The following NHSL1 variants were observed in gnomAD, a reference collection of about 807,000 sequenced individuals.
NHSL1 encodes NHS-like protein 1.
NHSL1 carries 48 observed loss-of-function variants against 95.0 expected under a neutral mutation model. The observed-to-expected ratio is 0.51, with a 90% CI of 0.40 to 0.64. NHSL1 has a LOEUF of 0.64. Ranked by LOEUF, NHSL1 falls within the 30% of genes least tolerant of loss-of-function variation. The pLI is 0.00. For missense variants in NHSL1, 1,971 were observed against 2,077.7 expected (o/e 0.95, Z 1.00); for synonymous variants, 783 against 833.9 (o/e 0.94, Z 1.05).
intron 1 of NHSL1, among the ~76,000 whole-genome samples, chr6:138,498,123 T>A (rs1780463265): frequency 1.3e-5 from 2 of 152,212 alleles, no homozygotes; most frequent in Non-Finnish European, 2.9e-5. Context: ...AAACTCACCA[T>A]ATGTCCCCCC....
At chr6:138,645,376 C>CG (rs1253664573) in intron 1 of NHSL1, among the ~76,000 whole-genome samples, 1 of 152,150 alleles carries the variant, frequency 6.6e-6, no homozygotes, top group African/African-American at 2.4e-5. Context: ...GAGGCCTACC[C>CG]GGCCTACTGA....
At chr6:138,605,242 T>C (rs1206547282) in intron 1 of NHSL1, among the ~76,000 whole-genome samples, 1 of 152,182 alleles carries the variant, frequency 6.6e-6, no homozygotes, top group Non-Finnish European at 1.5e-5. Flanking sequence ...TTGTTTGTTT[T>C]TGAGACAGGG....
intron 1 of NHSL1, among the ~76,000 whole-genome samples, chr6:138,639,381 G>A (rs1249723120): frequency 6.6e-6 from 1 of 151,930 alleles, no homozygotes; most frequent in African/African-American, 2.4e-5. Context: ...GCTCACGCCT[G>A]TAATCCCAGC....
At chr6:138,624,134 G>A (rs1054584338) in intron 1 of NHSL1, among the ~76,000 whole-genome samples, 1 of 152,170 alleles carries the variant, frequency 6.6e-6, no homozygotes, top group Admixed American at 6.6e-5. Flanking sequence ...TACAATCTTT[G>A]ATGTTATTGA....
At chr6:138,494,936 A>C (rs887316270) in intron 2 of NHSL1, among the ~76,000 whole-genome samples, 4 of 152,120 alleles carry the variant, frequency 2.6e-5, no homozygotes, top group Admixed American at 2.0e-4. Flanking sequence ...CCACACATTT[A>C]CTTTTTAACA....
At chr6:138,457,583 G>A (rs1583212181) in intron 3 of NHSL1, among the ~76,000 whole-genome samples, 1 of 152,110 alleles carries the variant, frequency 6.6e-6, no homozygotes, top group East Asian at 1.9e-4. Flanking sequence ...ATTTTTGTAA[G>A]AAATACCTCT....
intron 2 of NHSL1, among the ~76,000 whole-genome samples, chr6:138,480,562 T>C (rs950052992): frequency 1.3e-5 from 2 of 152,210 alleles, no homozygotes; most frequent in Non-Finnish European, 2.9e-5. Flanking sequence ...TAGGAAAGTT[T>C]TGAAACATTC....
chr6:138,432,329 G>A lies in NHSL1; in HGVS notation c.2016C>T (p.Pro672=). 3 of 1,551,736 alleles carry A rather than the reference G, an allele frequency of 1.9e-6. No individual in the cohort carries two copies. Among genetic ancestry groups the A allele is most frequent in the Non-Finnish European group, 2.6e-6 (3 of 1,147,016 alleles). Residue 672 remains proline, a synonymous_variant, in exon 6 of 8, where the codon CCC becomes CCT. Transcript: ENST00000343505. This position sits in a 1 kb window ranked among gnomAD's most constrained non-coding sequence, Gnocchi z 4.4. ...GGGAGTCTGTCCGGGAGGGTGGCAG[G>A]GGAGGCTTCTTTGCTTTCTTCAAAG... is the stretch of plus-strand genomic sequence containing the variant. ...NISLKKAKKP[P]LPPSRTDSLR...
intron 5 of NHSL1, among the ~76,000 whole-genome samples, chr6:138,434,927 G>A (rs1322334601): frequency 6.6e-6 from 1 of 152,186 alleles, no homozygotes; most frequent in East Asian, 1.9e-4. Flanking sequence ...CACCCTGGAA[G>A]GAAGGATCCC....
chr6:138,496,392 T>C, intron 1 of NHSL1, 21 bp from the exon 2 acceptor site: 1 of 1,548,686 alleles, frequency 6.5e-7, no homozygotes. Context: ...AAAGATAGAA[T>C]ACATTCAGGT....
At chr6:138,674,068 T>C (rs985215793) in intron 1 of NHSL1, among the ~76,000 whole-genome samples, 1 of 152,232 alleles carries the variant, frequency 6.6e-6, no homozygotes, top group African/African-American at 2.4e-5. Flanking sequence ...TAAGGTATGG[T>C]ATTCAAAGCA....
rs147372105 is a variant in NHSL1, at chr6:138,561,807, TG to T, written c.202+9902del. ...CAACAAATCCTCCCCCTACAACCAC[TG>T]GGGGAAGATGGTCTCAGACAACTGC... On this transcript the variant is annotated intron_variant, in intron 1 of 6. Transcript: ENST00000427025. Among the ~76,000 whole-genome samples, 929 of 152,310 alleles carry T rather than the reference TG, an allele frequency of 6.1e-3. 11 individuals are homozygous for T. Among genetic ancestry groups the T allele is most frequent in the African/African-American group, 0.021 (878 of 41,572 alleles).
chr6:138,622,718 C>T (rs1320307431), intron 1 of NHSL1, among the ~76,000 whole-genome samples: 2 of 152,112 alleles, frequency 1.3e-5, no homozygotes, highest in African/African-American at 4.8e-5. Flanking sequence ...ATGAAATTTC[C>T]TAGTCAGTGT....
intron 2 of NHSL1, among the ~76,000 whole-genome samples, chr6:138,478,054 C>G (rs374443607): frequency 3.5e-4 from 12 of 34,690 alleles, no homozygotes; most frequent in Admixed American, 1.1e-3. Flanking sequence ...GACTGAGTTT[C>G]GCTTTTTTTG....
chr6:138,499,372 T>G lies in NHSL1; in HGVS notation c.-82A>C. Reference sequence around the variant, plus strand: ...GTAGGCAGGTGGCAAGCTTCGTCCTTCTGCTACAGATTCTAACTTTTTCTT... The same window carrying G: ...GTAGGCAGGTGGCAAGCTTCGTCCTGCTGCTACAGATTCTAACTTTTTCTT... On this transcript the variant is annotated 5_prime_UTR_variant, in exon 1 of 8. Coordinates refer to ENST00000343505, the MANE Select transcript of NHSL1 (RefSeq NM_001144060.2). 6.5e-7 allele frequency: 1 copy of G among 1,528,652 alleles called. No homozygotes were observed. The highest frequency in any genetic ancestry group is 8.8e-7 in the Non-Finnish European group (1 of 1,135,172). 94.7% of individuals were successfully genotyped at this position (1,528,652 alleles called of 1,614,324 possible). A position where few individuals can be genotyped will look rare whatever the true frequency, so the allele number is the denominator to read the frequency against.
chr6:138,583,685 G>A (rs932850506), intron 1 of NHSL1, among the ~76,000 whole-genome samples: 18 of 152,110 alleles, frequency 1.2e-4, no homozygotes, highest in African/African-American at 2.4e-4. Context: ...GCTGTTCATC[G>A]TCATGTTCAA....
chr6:138,479,966 G>A (rs1217184543), intron 2 of NHSL1, among the ~76,000 whole-genome samples: 1 of 152,178 alleles, frequency 6.6e-6, no homozygotes, highest in Non-Finnish European at 1.5e-5. Flanking sequence ...GAGGGAGATG[G>A]AGAAATAGAA....
chr6:138,478,498 A>G (rs1333464235), intron 2 of NHSL1, among the ~76,000 whole-genome samples: 1 of 152,134 alleles, frequency 6.6e-6, no homozygotes, highest in Non-Finnish European at 1.5e-5. Context: ...AAGTTGCAAC[A>G]GAGCTCAGGT....
At chr6:138,663,560 CAAAA>C (rs56870354) in intron 1 of NHSL1, among the ~76,000 whole-genome samples, 5 of 95,546 alleles carry the variant, frequency 5.2e-5, no homozygotes, top group Admixed American at 1.2e-4. Flanking sequence ...AACTCCATCT[CAAAA>C]AAAAAAAAAA....
Sources: gnomAD v4.1 joint callset for allele counts (sites outside exome capture counted in the v4.1 genomes callset) on GRCh38, gnomAD v4.1.1 for gene constraint, Gnocchi (gnomAD v3.1) non-coding constraint, MANE v1.5 for transcripts, NCBI Gene and HGNC (gene_info 2026-07-23, HGNC 2026-07-21) for gene names.